Variants in ZSCAN25 observed in about 807,000 individuals in gnomAD.
The protein encoded by ZSCAN25 is zinc finger and SCAN domain containing 25.
Under a neutral mutation model 38.7 loss-of-function variants are expected in ZSCAN25, and 27 were observed. The observed-to-expected ratio is 0.70, with a 90% CI of 0.51 to 0.96. The LOEUF (loss-of-function observed/expected upper bound fraction) is 0.96, where lower values mean the gene tolerates loss of function less well. Ranked by LOEUF, ZSCAN25 falls within the 40% of genes least tolerant of loss-of-function variation. The pLI, the probability that ZSCAN25 is intolerant of heterozygous loss-of-function variation, is 0.00. For missense variants in ZSCAN25, 637 were observed against 705.9 expected, an observed-to-expected ratio of 0.90 and a Z score of 1.11; for synonymous variants, 273 against 277.7, an observed-to-expected ratio of 0.98 and a Z score of 0.17.
the ZSCAN25 span, among the ~76,000 whole-genome samples, chr7:99,691,267 G>T: frequency 6.6e-6 from 1 of 151,648 alleles, no homozygotes; most frequent in Non-Finnish European, 1.5e-5. Context: ...CACAGGAAGG[G>T]GAACATCACA....
At chr7:99,632,425 T>C (rs549142498), downstream of ZSCAN25, 2 of 302,502 alleles carry the variant, frequency 6.6e-6, no homozygotes, top group Non-Finnish European at 9.7e-6. Flanking sequence ...CTCTGTCCAC[T>C]CCTTCCTCCC....
chr7:99,732,893 GT>G, the ZSCAN25 span, among the ~76,000 whole-genome samples: 1 of 152,194 alleles, frequency 6.6e-6, no homozygotes, highest in Non-Finnish European at 1.5e-5. Flanking sequence ...ACCATAAAAT[GT>G]TCCAGATAGT....
the ZSCAN25 span, among the ~76,000 whole-genome samples, chr7:99,727,598 T>C: frequency 3.3e-5 from 5 of 152,152 alleles, no homozygotes; most frequent in South Asian, 1.0e-3. Context: ...TCTTTCCTGT[T>C]TTTCACCTGA....
downstream of ZSCAN25, chr7:99,632,449 C>G (rs1808076917): frequency 4.3e-6 from 1 of 232,574 alleles, no homozygotes; most frequent in South Asian, 1.6e-4. Flanking sequence ...CTTCCTCCCC[C>G]ACTGAAGTTT....
At chr7:99,717,447 A>G in the ZSCAN25 span, 1 of 1,594,474 alleles carries the variant, frequency 6.3e-7, no homozygotes, top group Non-Finnish European at 8.6e-7. Flanking sequence ...CTCGGAAAGG[A>G]ACTCTGATCT....
At chr7:99,672,668 C>G in the ZSCAN25 span, 2 of 1,614,068 alleles carry the variant, frequency 1.2e-6, no homozygotes, top group Admixed American at 1.7e-5. Context: ...AGGGAGTTGA[C>G]CTTCATACGT....
chr7:99,736,789 C>G, the ZSCAN25 span, among the ~76,000 whole-genome samples: 2 of 152,172 alleles, frequency 1.3e-5, no homozygotes, highest in African/African-American at 4.8e-5. Context: ...CACCTGGCCT[C>G]AGCAGGTGAA....
the ZSCAN25 span, among the ~76,000 whole-genome samples, chr7:99,642,022 A>C: frequency 1.3e-5 from 2 of 152,152 alleles, no homozygotes; most frequent in African/African-American, 4.8e-5. Context: ...GTTCTTCCTG[A>C]TCATGCCAGG....
the ZSCAN25 span, chr7:99,648,387 A>G: frequency 1.4e-5 from 22 of 1,612,316 alleles, no homozygotes; most frequent in Admixed American, 1.8e-4. Flanking sequence ...TTGCGTGTCT[A>G]ATTTCAAGGG....
the ZSCAN25 span, chr7:99,663,848 G>A: frequency 2.1e-6 from 3 of 1,404,246 alleles, no homozygotes; most frequent in Non-Finnish European, 2.8e-6. Context: ...GGCTTCTCTT[G>A]TTCTAAACAT....
At chr7:99,667,003 C>T in the ZSCAN25 span, 1 of 1,614,162 alleles carries the variant, frequency 6.2e-7, no homozygotes, top group Non-Finnish European at 8.5e-7. Flanking sequence ...ACCGTATTCT[C>T]TTCCATTCTT....
the ZSCAN25 span, chr7:99,720,575 G>T: frequency 1.4e-6 from 1 of 722,576 alleles, no homozygotes. Context: ...CACAGCAAGA[G>T]TCTGACACAG....
chr7:99,663,817 C>G, the ZSCAN25 span: 5 of 1,347,838 alleles, frequency 3.7e-6, no homozygotes, highest in South Asian at 1.9e-5. Flanking sequence ...TCCCCAATCT[C>G]CTTCTTTATT....
At chr7:99,645,636 T>C in the ZSCAN25 span, among the ~76,000 whole-genome samples, 1 of 152,204 alleles carries the variant, frequency 6.6e-6, no homozygotes, top group East Asian at 1.9e-4. Flanking sequence ...GACTCTTTAT[T>C]AATAGCCATT....
At chr7:99,666,527 G>T in the ZSCAN25 span, 2 of 1,473,470 alleles carry the variant, frequency 1.4e-6, no homozygotes, top group South Asian at 1.1e-5. Context: ...CCAACAGTGC[G>T]ACTGTCGACT....
chr7:99,671,954 A>T, the ZSCAN25 span: 1 of 677,530 alleles, frequency 1.5e-6, no homozygotes, highest in Non-Finnish European at 2.7e-6. Flanking sequence ...AAACTGGTGA[A>T]ATCTGAAAAG....
chr7:99,658,790 C>G, the ZSCAN25 span: 7 of 152,146 alleles, frequency 4.6e-5, no homozygotes, highest in Non-Finnish European at 7.4e-5. Context: ...TCTTTTTATT[C>G]TTTTTCTTCT....
At chr7:99,676,610 T>C in the ZSCAN25 span, 1 of 1,279,822 alleles carries the variant, frequency 7.8e-7, no homozygotes, top group South Asian at 1.2e-5. Flanking sequence ...TTTTGTCTTT[T>C]GCACTGATGA....
At chr7:99,637,330 A>G (rs1432287839), downstream of ZSCAN25, among the ~76,000 whole-genome samples, 1 of 151,712 alleles carries the variant, frequency 6.6e-6, no homozygotes, top group Non-Finnish European at 1.5e-5. Flanking sequence ...TAAAATATCT[A>G]CAAATATTTA....
Sources: allele counts gnomAD v4.1 joint callset (sites outside exome capture counted in the v4.1 genomes callset), GRCh38; gene constraint gnomAD v4.1.1; transcripts MANE v1.5; gene names NCBI Gene and HGNC (gene_info 2026-07-23, HGNC 2026-07-21).